The following UBE2E1 variants were observed in gnomAD, a reference collection of about 807,000 sequenced individuals.
UBE2E1 encodes the protein ubiquitin-conjugating enzyme E2 E1.
Under a neutral mutation model 21.4 loss-of-function variants are expected in UBE2E1, and 6 were observed. That is an observed-to-expected ratio of 0.28 (90% CI 0.15 to 0.55). The LOEUF (loss-of-function observed/expected upper bound fraction) is 0.55, where lower values mean the gene tolerates loss of function less well. Among genes scored for constraint, UBE2E1 ranks in the 20% least tolerant of loss-of-function variants. The pLI is 0.93. For missense variants in UBE2E1, 142 were observed against 236.5 expected, an observed-to-expected ratio of 0.60 and a Z score of 2.62; for synonymous variants, 87 against 82.7, an observed-to-expected ratio of 1.05 and a Z score of -0.28.
intron 3 of UBE2E1, among the ~76,000 whole-genome samples, chr3:23,861,524 A>G (rs1238143865): frequency 2.0e-5 from 3 of 152,206 alleles, no homozygotes; most frequent in Non-Finnish European, 4.4e-5. Context: ...CTTCACGTCC[A>G]AATGTTGCAT....
intron 3 of UBE2E1, among the ~76,000 whole-genome samples, chr3:23,871,498 C>T (rs1171753395): frequency 6.6e-6 from 1 of 151,158 alleles, no homozygotes; most frequent in Non-Finnish European, 1.5e-5. Context: ...GACGGGGCGG[C>T]TGGCCTGGCG....
In UBE2E1 at chr3:23,823,285, G is replaced by A. The variant is rs1699683913; in HGVS notation, c.203+11775G>A. 6.6e-6 allele frequency among the ~76,000 whole-genome samples: 1 copy of A among 152,212 alleles called. No individual in the cohort carries two copies. Among genetic ancestry groups the A allele is most frequent in the Admixed American group, 6.5e-5 (1 of 15,286 alleles). ...TAATAATTTGTTTCAGATTATGCCAGATACTCTTGGTCCTGCTTACCTTGA... is the reference window on the plus strand; with the variant it reads ...TAATAATTTGTTTCAGATTATGCCAAATACTCTTGGTCCTGCTTACCTTGA... On this transcript the variant is annotated intron_variant, in intron 3 of 5. Coordinates refer to ENST00000306627, the MANE Select transcript of UBE2E1 (RefSeq NM_003341.5). The surrounding 1 kb of genome is among the most constrained non-coding windows in gnomAD (Gnocchi z 4.2).
intron 3 of UBE2E1, among the ~76,000 whole-genome samples, chr3:23,867,201 C>G (rs188764067): frequency 6.6e-6 from 1 of 151,576 alleles, no homozygotes; most frequent in Non-Finnish European, 1.5e-5. Flanking sequence ...TTTCCTGATT[C>G]AAAGATTCTA....
chr3:23,847,286 TGAAAA>T (rs1700228011), intron 3 of UBE2E1, among the ~76,000 whole-genome samples: 1 of 152,096 alleles, frequency 6.6e-6, no homozygotes, highest in South Asian at 2.1e-4. Context: ...ACTTCCTAGA[TGAAAA>T]GAAGACATCC....
At position 23,842,695 on chromosome 3, in the gene UBE2E1, G is replaced by A. The variant is rs1245720489; in HGVS notation, c.203+31185G>A. Among the ~76,000 whole-genome samples the A allele has an allele frequency of 2.0e-5, 3 of 152,074 alleles. No individual in the cohort carries two copies. The highest frequency in any genetic ancestry group is 2.1e-4 in the South Asian group (1 of 4,820). ...TCTCATTATCACAAATTACAAGTGC[G>A]CTATTCGGTTTTTAAAAATTTTAAT... On this transcript the variant is annotated intron_variant, in intron 3 of 5. Transcript: ENST00000306627. The surrounding 1 kb of genome is among the most constrained non-coding windows in gnomAD (Gnocchi z 4.6).
At chr3:23,849,548 C>T (rs773093546) in intron 3 of UBE2E1, among the ~76,000 whole-genome samples, 6 of 152,152 alleles carry the variant, frequency 3.9e-5, no homozygotes. Flanking sequence ...TGATGTTTCC[C>T]TCCCTGTGTC....
chr3:23,830,248 A>C (rs1005844950), intron 3 of UBE2E1, among the ~76,000 whole-genome samples: 1 of 152,152 alleles, frequency 6.6e-6, no homozygotes, highest in African/African-American at 2.4e-5. Flanking sequence ...TCCCCTGACA[A>C]GAGCATGGAG....
Position 23,814,475 on chromosome 3 carries a change from CTG to C in UBE2E1, c.203+2968_203+2969del, listed in dbSNP as rs367988171. ...GAAATCAAATTCTTAATTTTAGTAT[CTG>C]TGATTTGTGTGTGTGTGTATATATA... On this transcript the variant is annotated intron_variant, in intron 3 of 5. Transcript: ENST00000306627. Among the ~76,000 whole-genome samples, 39 of 152,148 alleles carry C rather than the reference CTG, an allele frequency of 2.6e-4. No individual in the cohort carries two copies. In the South Asian group the frequency reaches 7.7e-3, roughly 30 times the overall value.
chr3:23,847,443 G>T lies in UBE2E1; in HGVS notation c.203+35933G>T, dbSNP rs72627022. ...GTAGAAATACCCTGTGGTATTAATA[G>T]TTTTAAAAATATATTTCATATCTGT... On this transcript the variant is annotated intron_variant, in intron 3 of 5. Coordinates refer to ENST00000306627, the MANE Select transcript of UBE2E1 (RefSeq NM_003341.5). Among the ~76,000 whole-genome samples, 431 of 147,040 alleles carry T rather than the reference G, an allele frequency of 2.9e-3. 10 individuals are homozygous for T. The East Asian group carries it at 0.046, about 16-fold the overall frequency.
Position 23,842,029 on chromosome 3 carries a change from G to T in UBE2E1, c.203+30519G>T, listed in dbSNP as rs1033977745. 3.3e-5 allele frequency among the ~76,000 whole-genome samples: 5 copies of T among 152,132 alleles called. No homozygotes were observed. The highest frequency in any genetic ancestry group is 1.2e-4 in the African/African-American group (5 of 41,428). On this transcript the variant is annotated intron_variant, in intron 3 of 5. Transcript: ENST00000306627. This position sits in a 1 kb window ranked among gnomAD's most constrained non-coding sequence, Gnocchi z 4.6. ...GATTTAGTACTTTGATTATCCTAGT[G>T]ATTGTTACACTGAATCAGAAAATGC...
chr3:23,834,423 C>T (rs903090624), intron 3 of UBE2E1, among the ~76,000 whole-genome samples: 1 of 152,198 alleles, frequency 6.6e-6, no homozygotes, highest in Admixed American at 6.5e-5. Context: ...TAAAATTCCC[C>T]CATCTTTCTC....
chr3:23,821,724 T>C (rs1699649720), intron 3 of UBE2E1, among the ~76,000 whole-genome samples: 1 of 152,156 alleles, frequency 6.6e-6, no homozygotes, highest in Non-Finnish European at 1.5e-5. Context: ...GATGTTTTAC[T>C]GATAGGTAGA....
At chr3:23,821,151 A>G (rs1699634762) in intron 3 of UBE2E1, among the ~76,000 whole-genome samples, 1 of 152,246 alleles carries the variant, frequency 6.6e-6, no homozygotes, top group African/African-American at 2.4e-5. Context: ...CCTGAATTTT[A>G]GTAGACAGTG....
intron 5 of UBE2E1, chr3:23,889,875 GCAA>G (rs1169963258): frequency 9.8e-6 from 4 of 407,804 alleles, no homozygotes; most frequent in African/African-American, 2.2e-5. Flanking sequence ...AGCCTGGGTG[GCAA>G]AGCGAGACCC....
At chr3:23,813,592 G>C (rs1054085276) in intron 3 of UBE2E1, among the ~76,000 whole-genome samples, 12 of 151,994 alleles carry the variant, frequency 7.9e-5, no homozygotes, top group African/African-American at 2.9e-4. Flanking sequence ...GCCCAGGCTG[G>C]AGTGCAGTGG....
At chr3:23,871,917 CGTCCCAG>C (rs1212865033) in intron 3 of UBE2E1, among the ~76,000 whole-genome samples, 1 of 150,988 alleles carries the variant, frequency 6.6e-6, no homozygotes, top group Non-Finnish European at 1.5e-5. Flanking sequence ...GGGCTCCTCA[CGTCCCAG>C]ACGATGGGCG....
rs2125315062 is a variant in UBE2E1, at chr3:23,863,717, A to C, written c.204-23850A>C. Among the ~76,000 whole-genome samples the C allele has an allele frequency of 1.3e-5, 2 of 152,132 alleles. No individual in the cohort carries two copies. The highest frequency in any genetic ancestry group is 6.8e-3 in the Middle Eastern group (2 of 294). On this transcript the variant is annotated intron_variant, in intron 3 of 5. Transcript: ENST00000306627. The surrounding 1 kb of genome is among the most constrained non-coding windows in gnomAD (Gnocchi z 4.3). ...GGCTAATTTTCTATTTTTAGTAGAG[A>C]TGGGGTTTCTCCATGTTGGTCAGGC... is the stretch of plus-strand genomic sequence containing the variant.
Position 23,807,284 on chromosome 3 carries a change from T to G in UBE2E1, c.15T>G (p.Asp5Glu). MSDD[D>E]SRASTSSSSS... ...GGGGGTTCGCTATGTCGGATGACGATTCGAGGGCCAGCACCAGCTCCTCCT... is the reference window on the plus strand; with the variant it reads ...GGGGGTTCGCTATGTCGGATGACGAGTCGAGGGCCAGCACCAGCTCCTCCT... The change falls in exon 2 of 6, where the codon GAT becomes GAG. Residue 5 changes from aspartate (D) to glutamate (E), a missense_variant. Physicochemically the swap from Asp to Glu is conservative, Grantham distance 45 (BLOSUM62 2). Around this residue, in one of 2 missense-constraint regions of UBE2E1, gnomAD observed 55 missense variants for 51.5 expected, o/e 1.07. Transcript: ENST00000306627. 1 of 1,612,830 alleles carries G rather than the reference T, an allele frequency of 6.2e-7. No homozygotes were observed. Among genetic ancestry groups the G allele is most frequent in the Non-Finnish European group, 8.5e-7 (1 of 1,179,614 alleles).
At chr3:23,886,436 A>AC (rs1701185099) in intron 3 of UBE2E1, among the ~76,000 whole-genome samples, 1 of 152,014 alleles carries the variant, frequency 6.6e-6, no homozygotes, top group Non-Finnish European at 1.5e-5. Flanking sequence ...TCTTCCCATT[A>AC]CCCGCTATTC....
Sources: gnomAD v4.1 joint callset for allele counts (sites outside exome capture counted in the v4.1 genomes callset) on GRCh38, gnomAD v4.1.1 for gene constraint, gnomAD v4.1.1 regional missense constraint, Gnocchi (gnomAD v3.1) non-coding constraint, MANE v1.5 for transcripts, NCBI Gene and HGNC (gene_info 2026-07-23, HGNC 2026-07-21) for gene names.